Variants in DLC1 observed in about 807,000 individuals in gnomAD.
DLC1 encodes rho GTPase-activating protein 7.
A neutral mutation model predicts 140.3 loss-of-function variants in DLC1; 54 were observed. The ratio of observed to expected loss-of-function variants is 0.38; its 90% CI spans 0.31 to 0.48. DLC1 has a LOEUF of 0.48. Among genes scored for constraint, DLC1 ranks in the 20% least tolerant of loss-of-function variants. The pLI is 0.96. For missense variants in DLC1, 2,536 were observed against 1,907.0 expected, an observed-to-expected ratio of 1.33 and a Z score of -6.14; for synonymous variants, 986 against 728.1, an observed-to-expected ratio of 1.35 and a Z score of -5.70.
At chr8:13,549,624 T>C (rs1351845869) in intron 1 of DLC1, among the ~76,000 whole-genome samples, 1 of 152,150 alleles carries the variant, frequency 6.6e-6, no homozygotes, top group Non-Finnish European at 1.5e-5. Flanking sequence ...AATTAAATTT[T>C]TAAACCCTGT....
chr8:13,261,068 G>C (rs888071926), intron 5 of DLC1, among the ~76,000 whole-genome samples: 1 of 152,228 alleles, frequency 6.6e-6, no homozygotes, highest in East Asian at 1.9e-4. Context: ...GGAATATGAA[G>C]ATGCACAATT....
intron 4 of DLC1, among the ~76,000 whole-genome samples, chr8:13,315,297 C>A (rs531909417): frequency 1.3e-5 from 2 of 152,134 alleles, no homozygotes; most frequent in African/African-American, 2.4e-5. Flanking sequence ...AGAAACTGAT[C>A]AAAAATTTCA....
chr8:13,499,590 G>C lies in DLC1; in HGVS notation c.482C>G (p.Ser161Cys). 1 of 1,614,166 alleles carries C rather than the reference G, an allele frequency of 6.2e-7. No homozygotes were observed. The highest frequency in any genetic ancestry group is 8.5e-7 in the Non-Finnish European group (1 of 1,180,004). The change falls in exon 2 of 18, where the codon TCT (serine) becomes TGT (cysteine). Residue 161 changes from serine (S) to cysteine (C), a missense_variant. Physicochemically the swap from Ser to Cys is moderately radical, Grantham distance 112 (BLOSUM62 -1). Transcript: ENST00000276297. ...TTCACCAGCTATTCCCCAGGAGTTA[G>C]AAGAAACTTGGTTACTTTGTATGAT... ...LPIIQSNQVSSNSWGIAGETE... is the reference protein window; with the variant it reads ...LPIIQSNQVSCNSWGIAGETE...
chr8:13,484,797 C>T (rs1212517404), intron 2 of DLC1, among the ~76,000 whole-genome samples: 1 of 151,792 alleles, frequency 6.6e-6, no homozygotes, highest in Non-Finnish European at 1.5e-5. Context: ...GTCATATATA[C>T]AGAAAAAGTC....
intron 1 of DLC1, among the ~76,000 whole-genome samples, chr8:13,530,482 T>A (rs539388973): frequency 3.4e-4 from 52 of 152,314 alleles, no homozygotes; most frequent in African/African-American, 1.2e-3. Flanking sequence ...GACATATCTG[T>A]GTTTCTTGGC....
intron 5 of DLC1, among the ~76,000 whole-genome samples, chr8:13,267,958 T>G (rs1197572595): frequency 3.9e-5 from 6 of 152,198 alleles, no homozygotes; most frequent in African/African-American, 1.2e-4. Context: ...TTTGTTTTTA[T>G]TAAGAGTGTT....
chr8:13,453,556 AT>A (rs370075708), intron 2 of DLC1, among the ~76,000 whole-genome samples: 722 of 26,874 alleles, frequency 0.027, 31 homozygotes, highest in African/African-American at 0.072. Context: ...ATATATATAT[AT>A]TTTTTTTTTT....
chr8:13,262,447 A>G (rs1196931480), intron 5 of DLC1, among the ~76,000 whole-genome samples: 1 of 152,188 alleles, frequency 6.6e-6, no homozygotes, highest in African/African-American at 2.4e-5. Flanking sequence ...TTCTAAAGCA[A>G]TGATACATGG....
rs76331091 is a variant in DLC1, at chr8:13,297,656, G to A, written c.1348+7613C>T. On this transcript the variant is annotated intron_variant, in intron 5 of 17. Coordinates refer to ENST00000276297, the MANE Select transcript of DLC1 (RefSeq NM_182643.3). ...GGAGAGACAGCAATAAAACCAATCA[G>A]ATCCATACTAAAATGAAGACACAAA... 9.9e-3 allele frequency among the ~76,000 whole-genome samples: 1,503 copies of A among 152,252 alleles called. 21 individuals carry two copies. The highest frequency in any genetic ancestry group is 0.034 in the African/African-American group (1,412 of 41,554).
chr8:13,493,560 C>T (rs1328409387), intron 2 of DLC1, among the ~76,000 whole-genome samples: 1 of 152,116 alleles, frequency 6.6e-6, no homozygotes, highest in African/African-American at 2.4e-5. Flanking sequence ...AACATATGTG[C>T]TGAGAACGTT....
intron 5 of DLC1, among the ~76,000 whole-genome samples, chr8:13,200,610 G>GT (rs1317711848): frequency 1.9e-4 from 28 of 150,686 alleles, no homozygotes; most frequent in African/African-American, 5.4e-4. Flanking sequence ...GTGTGTGTGT[G>GT]TTTTTTTTTA....
chr8:13,333,001 A>G (rs1212100254), intron 4 of DLC1, among the ~76,000 whole-genome samples: 1 of 152,168 alleles, frequency 6.6e-6, no homozygotes, highest in Non-Finnish European at 1.5e-5. Context: ...GGACTAAATT[A>G]CCTCTCTAGA....
intron 1 of DLC1, among the ~76,000 whole-genome samples, chr8:13,524,792 G>A (rs1171951997): frequency 6.6e-6 from 1 of 151,328 alleles, no homozygotes; most frequent in Non-Finnish European, 1.5e-5. Flanking sequence ...CCAGACTTCA[G>A]TTGCTTTTGG....
intron 1 of DLC1, among the ~76,000 whole-genome samples, chr8:13,502,855 T>A (rs6530634): frequency 0.13 from 19,321 of 152,204 alleles, 2,272 homozygotes; most frequent in East Asian, 0.38. Flanking sequence ...TGTAGGTCAT[T>A]TCAGGATGTT....
chr8:13,285,104 G>A (rs1364003637), intron 5 of DLC1, among the ~76,000 whole-genome samples: 2 of 152,154 alleles, frequency 1.3e-5, no homozygotes, highest in East Asian at 3.9e-4. Flanking sequence ...TGATGTTGGA[G>A]GATTTACACT....
chr8:13,285,577 G>T (rs1197460388), intron 5 of DLC1, among the ~76,000 whole-genome samples: 1 of 152,100 alleles, frequency 6.6e-6, no homozygotes, highest in Non-Finnish European at 1.5e-5. Context: ...AACGTCATAA[G>T]TCATTAGGGA....
At chr8:13,586,118 T>C (rs1805300520) in intron 1 of DLC1, among the ~76,000 whole-genome samples, 1 of 152,148 alleles carries the variant, frequency 6.6e-6, no homozygotes, top group African/African-American at 2.4e-5. Context: ...CTCTCTCTGC[T>C]AATTGTCCTA....
intron 5 of DLC1, among the ~76,000 whole-genome samples, chr8:13,201,369 C>A (rs1827370786): frequency 1.3e-5 from 2 of 152,066 alleles, no homozygotes; most frequent in African/African-American, 2.4e-5. Flanking sequence ...TTGTAAAGAT[C>A]ACTTTGAGTG....
chr8:13,360,622 G>A (rs1835178819), intron 4 of DLC1, among the ~76,000 whole-genome samples: 1 of 152,116 alleles, frequency 6.6e-6, no homozygotes, highest in South Asian at 2.1e-4. Flanking sequence ...GAACCACTGA[G>A]AATCAGCAAG....
Sources: allele counts gnomAD v4.1 joint callset (sites outside exome capture counted in the v4.1 genomes callset), GRCh38; gene constraint gnomAD v4.1.1; transcripts MANE v1.5; gene names NCBI Gene and HGNC (gene_info 2026-07-23, HGNC 2026-07-21).